Variants in SORL1 observed in about 807,000 individuals in gnomAD.
SORL1 encodes sortilin related receptor 1, also known as sortilin-related receptor.
Under a neutral mutation model 273.7 loss-of-function variants are expected in SORL1, and 127 were observed. That is an observed-to-expected ratio of 0.46 (90% CI 0.40 to 0.54). The LOEUF is 0.54. Among genes scored for constraint, SORL1 ranks in the 20% least tolerant of loss-of-function variants. The pLI, the probability that SORL1 is intolerant of heterozygous loss-of-function variation, is 0.00. For missense variants in SORL1, 2,494 were observed against 2,846.1 expected (o/e 0.88, Z 2.81); for synonymous variants, 1,031 against 1,067.4 (o/e 0.97, Z 0.66).
At chr11:121,552,771 G>A (rs1591323767) in intron 16 of SORL1, among the ~76,000 whole-genome samples, 1 of 152,220 alleles carries the variant, frequency 6.6e-6, no homozygotes, top group East Asian at 1.9e-4. Context: ...AGTGGTACAT[G>A]TTAAGTCACT....
intron 3 of SORL1, among the ~76,000 whole-genome samples, chr11:121,478,672 G>T (rs11218305): frequency 6.6e-6 from 1 of 152,070 alleles, no homozygotes; most frequent in East Asian, 1.9e-4. Context: ...GCTTGTGTGC[G>T]TGTGAGTACC....
At position 121,563,284 on chromosome 11, in the gene SORL1, A is replaced by G. The variant is rs1591328672; in HGVS notation, c.3049+3627A>G. On this transcript the variant is annotated intron_variant, in intron 21 of 47. Transcript: ENST00000260197. This position sits in a 1 kb window ranked among gnomAD's most constrained non-coding sequence, Gnocchi z 4.2. ...CCTGGTAGTATGACAGCAGTTCAGA[A>G]GTACTGTTCTAGATTTTGATTGATG... 1.3e-5 allele frequency among the ~76,000 whole-genome samples: 2 copies of G among 152,330 alleles called. No individual in the cohort carries two copies. Among genetic ancestry groups the G allele is most frequent in the South Asian group, 4.1e-4 (2 of 4,830 alleles).
Position 121,588,130 on chromosome 11 carries a change from G to A in SORL1, c.3925G>A (p.Asp1309Asn), listed in dbSNP as rs765385529. ...IIQCRDGSDE[D>N]AAFAGCSQDP... ...CCAGTGCCGCGACGGGTCCGATGAG[G>A]ATGCGGCGTTTGCAGGATGCTGTGA... Residue 1309 changes from aspartate to asparagine, a missense_variant, in exon 28 of 48, where the codon GAT becomes AAT. Asp to Asn is a conservative substitution (Grantham distance 23). This residue lies in a region of SORL1 where 1,609 missense variants were observed against 1,816.4 expected (regional missense o/e 0.89). Transcript: ENST00000260197. The A allele has an allele frequency of 1.1e-5, 18 of 1,613,524 alleles. No homozygotes were observed. The highest frequency in any genetic ancestry group is 1.3e-5 in the Non-Finnish European group (15 of 1,179,704).
intron 7 of SORL1, 51 bp downstream of exon 7, chr11:121,513,155 G>A: frequency 7.4e-7 from 1 of 1,352,320 alleles, no homozygotes; most frequent in African/African-American, 1.4e-5. Context: ...TCTTTATGCA[G>A]AGGTCAGAGG....
At chr11:121,473,259 T>C (rs550215786) in intron 2 of SORL1, among the ~76,000 whole-genome samples, 3 of 152,226 alleles carry the variant, frequency 2.0e-5, no homozygotes, top group South Asian at 4.1e-4. Context: ...TGTGTGGGTG[T>C]TGGTGAGCGG....
intron 43 of SORL1, among the ~76,000 whole-genome samples, chr11:121,620,414 G>A (rs1035741869): frequency 2.0e-5 from 3 of 152,122 alleles, no homozygotes; most frequent in African/African-American, 4.8e-5. Flanking sequence ...CTCTTTAAAA[G>A]GAGCATTGAT....
chr11:121,629,419 G>T lies in SORL1; in HGVS notation c.6578-77G>T, dbSNP rs188456061. 55 of 794,830 alleles carry T rather than the reference G, an allele frequency of 6.9e-5. No individual in the cohort carries two copies. The African/African-American group carries it at 8.6e-4, about 12-fold the overall frequency. 49.2% of individuals were successfully genotyped at this position (794,830 alleles called of 1,614,324 possible). ...CTAGAGGGTTGTGGTAGGGTTGAGGGGTGGGTAGAGTGGTGGGATATGGGG... is the reference window on the plus strand; with the variant it reads ...CTAGAGGGTTGTGGTAGGGTTGAGGTGTGGGTAGAGTGGTGGGATATGGGG... On this transcript the variant is annotated intron_variant, in intron 47 of 47. Coordinates refer to ENST00000260197, the MANE Select transcript of SORL1 (RefSeq NM_003105.6).
rs747904744 is a variant in SORL1, at chr11:121,586,204, TG to T, written c.3707-17del. ...TTTCCTCCTCGTCATTCTTCTGTGTTGTTGAATTCTATTTCAGAGAAGAAGT... is the reference window on the plus strand; with the variant it reads ...TTTCCTCCTCGTCATTCTTCTGTGTTTTGAATTCTATTTCAGAGAAGAAGT... On this transcript the variant is annotated splice_polypyrimidine_tract_variant and intron_variant, in intron 26 of 47. Coordinates refer to ENST00000260197, the MANE Select transcript of SORL1 (RefSeq NM_003105.6). 120 of 1,576,098 alleles carry T rather than the reference TG, an allele frequency of 7.6e-5. 1 individual carries two copies. Among genetic ancestry groups the T allele is most frequent in the Non-Finnish European group, 1.0e-4 (114 of 1,145,294 alleles).
At chr11:121,590,941 T>G (rs765228855) in intron 30 of SORL1, 60 bp from the exon 31 acceptor site, 8 of 1,595,488 alleles carry the variant, frequency 5.0e-6, no homozygotes, top group Non-Finnish European at 6.9e-6. Context: ...TGGGACATAT[T>G]TGGTCTAAGA....
chr11:121,562,784 C>T (rs1234288382), intron 21 of SORL1, among the ~76,000 whole-genome samples: 3 of 152,010 alleles, frequency 2.0e-5, no homozygotes, highest in Non-Finnish European at 2.9e-5. Flanking sequence ...AATCTTACAC[C>T]GAGTTTGCTA....
At chr11:121,520,079 C>A (rs541532323) in intron 8 of SORL1, among the ~76,000 whole-genome samples, 4 of 152,126 alleles carry the variant, frequency 2.6e-5, no homozygotes, top group South Asian at 4.2e-4. Context: ...GGCGAAACCC[C>A]ATCTCTACCA....
intron 8 of SORL1, among the ~76,000 whole-genome samples, chr11:121,516,350 C>T (rs867184363): frequency 3.9e-5 from 6 of 152,020 alleles, no homozygotes; most frequent in African/African-American, 7.2e-5. Flanking sequence ...ATAGATGGGA[C>T]GAGGGGTACG....
intron 5 of SORL1, among the ~76,000 whole-genome samples, chr11:121,494,471 G>C (rs564018558): frequency 6.6e-6 from 1 of 152,342 alleles, no homozygotes; most frequent in Non-Finnish European, 1.5e-5. Context: ...GGAGGGGGCT[G>C]AGGGGACTCA....
At chr11:121,564,894 A>C (rs2134918629) in intron 21 of SORL1, among the ~76,000 whole-genome samples, 1 of 152,338 alleles carries the variant, frequency 6.6e-6, no homozygotes, top group Middle Eastern at 3.4e-3. Flanking sequence ...ATTTTAAAAT[A>C]ACATCATATT....
chr11:121,575,231 A>G (rs3781834), intron 24 of SORL1, among the ~76,000 whole-genome samples: 4,190 of 152,314 alleles, frequency 0.028, 167 homozygotes, highest in East Asian at 0.22. Flanking sequence ...CCCATTTTCT[A>G]ATCCTCCACT....
At chr11:121,535,175 G>C (rs1862250910) in intron 12 of SORL1, among the ~76,000 whole-genome samples, 2 of 151,924 alleles carry the variant, frequency 1.3e-5, no homozygotes, top group Non-Finnish European at 2.9e-5. Flanking sequence ...CACTGCCACT[G>C]TGCTCCATGT....
At chr11:121,603,225 C>G (rs985467945) in intron 32 of SORL1, among the ~76,000 whole-genome samples, 1 of 152,190 alleles carries the variant, frequency 6.6e-6, no homozygotes, top group African/African-American at 2.4e-5. Flanking sequence ...CTTGGAGGAG[C>G]AAGATTGATT....
chr11:121,519,399 A>G (rs1484162389), intron 8 of SORL1, among the ~76,000 whole-genome samples: 1 of 149,122 alleles, frequency 6.7e-6, no homozygotes, highest in African/African-American at 2.5e-5. Flanking sequence ...TGGGAAACCC[A>G]TATTCTCTCT....
chr11:121,489,584 T>C (rs1861521421), intron 4 of SORL1, among the ~76,000 whole-genome samples: 1 of 152,252 alleles, frequency 6.6e-6, no homozygotes, highest in African/African-American at 2.4e-5. Flanking sequence ...TAATATTCCA[T>C]TGTATGCATA....
Sources: gnomAD v4.1 joint callset for allele counts (sites outside exome capture counted in the v4.1 genomes callset) on GRCh38, gnomAD v4.1.1 for gene constraint, gnomAD v4.1.1 regional missense constraint, Gnocchi (gnomAD v3.1) non-coding constraint, MANE v1.5 for transcripts, NCBI Gene and HGNC (gene_info 2026-07-23, HGNC 2026-07-21) for gene names.